The following CNTN1 variants were observed in gnomAD, a reference collection of about 807,000 sequenced individuals.
CNTN1 encodes contactin-1.
CNTN1 carries 38 observed loss-of-function variants against 126.4 expected under a neutral mutation model. That is an observed-to-expected ratio of 0.30 (90% CI 0.23 to 0.39). CNTN1 has a LOEUF of 0.39. Among genes scored for constraint, CNTN1 ranks in the 10% least tolerant of loss-of-function variants. The pLI is 1.00. For missense variants in CNTN1, 1,009 were observed against 1,248.4 expected, an observed-to-expected ratio of 0.81 and a Z score of 2.89; for synonymous variants, 413 against 422.6, an observed-to-expected ratio of 0.98 and a Z score of 0.28.
At chr12:41,003,557 T>C (rs1164003610) in intron 17 of CNTN1, among the ~76,000 whole-genome samples, 1 of 150,590 alleles carries the variant, frequency 6.6e-6, no homozygotes, top group African/African-American at 2.5e-5. Context: ...AGAATTCAGC[T>C]GTGAATCTAT....
intron 1 of CNTN1, among the ~76,000 whole-genome samples, chr12:40,693,697 A>G (rs1941366978): frequency 6.6e-6 from 1 of 152,150 alleles, no homozygotes; most frequent in Non-Finnish European, 1.5e-5. Flanking sequence ...GGAGCTATAT[A>G]TAGCTCCTGC....
At chr12:41,007,438 A>T (rs919358184) in intron 17 of CNTN1, among the ~76,000 whole-genome samples, 2 of 152,158 alleles carry the variant, frequency 1.3e-5, no homozygotes, top group African/African-American at 4.8e-5. Flanking sequence ...TGGGGTATAT[A>T]CCCTGGGGTT....
chr12:40,871,210 A>C lies in CNTN1; in HGVS notation c.-76-37147A>C, dbSNP rs1445225843. Among the ~76,000 whole-genome samples the C allele has an allele frequency of 2.3e-5, 3 of 132,208 alleles. No individual in the cohort carries two copies. In the East Asian group the frequency reaches 6.2e-4, roughly 27 times the overall value. The allele number at this position is 132,208 out of a possible 152,430, so 86.7% of individuals were successfully genotyped here. ...AGAAAAAAAAAAAAAAAAAAAAAAA[A>C]AAAACAGAAGAAGCAGCTAGAGGAT... On this transcript the variant is annotated intron_variant, in intron 1 of 23. Transcript: ENST00000551295.
At chr12:40,799,258 C>T (rs1026580739) in intron 1 of CNTN1, among the ~76,000 whole-genome samples, 6 of 150,956 alleles carry the variant, frequency 4.0e-5, no homozygotes, top group Admixed American at 1.3e-4. Flanking sequence ...TATTTTTATA[C>T]TTGATACAAT....
At chr12:40,705,379 T>C (rs1444319061) in intron 1 of CNTN1, among the ~76,000 whole-genome samples, 1 of 152,224 alleles carries the variant, frequency 6.6e-6, no homozygotes, top group Admixed American at 6.5e-5. Flanking sequence ...TATGCTTATA[T>C]ACTTTACTTA....
chr12:40,981,891 A>G (rs536457800), intron 16 of CNTN1, among the ~76,000 whole-genome samples: 1 of 152,004 alleles, frequency 6.6e-6, no homozygotes, highest in Non-Finnish European at 1.5e-5. Flanking sequence ...CAAGAGGAGA[A>G]ATGAGACACG....
chr12:40,980,032 TTATGAC>T (rs1295203449), intron 15 of CNTN1, among the ~76,000 whole-genome samples: 2 of 152,318 alleles, frequency 1.3e-5, no homozygotes, highest in East Asian at 3.9e-4. Context: ...TTACTTATTC[TTATGAC>T]TATAACTAAC....
intron 21 of CNTN1, among the ~76,000 whole-genome samples, chr12:41,025,656 G>A (rs1051910470): frequency 3.3e-5 from 5 of 152,236 alleles, no homozygotes; most frequent in Admixed American, 6.5e-5. Flanking sequence ...TTTCATAGGA[G>A]TACATCAACA....
chr12:40,717,644 C>A (rs1942082225), intron 1 of CNTN1, among the ~76,000 whole-genome samples: 1 of 152,102 alleles, frequency 6.6e-6, no homozygotes, highest in Non-Finnish European at 1.5e-5. Flanking sequence ...CTTGAAGGAG[C>A]CTTATGACAT....
chr12:40,930,156 C>T (rs1369236834), intron 7 of CNTN1, among the ~76,000 whole-genome samples, 154 bp downstream of exon 7: 2 of 151,972 alleles, frequency 1.3e-5, no homozygotes, highest in Non-Finnish European at 2.9e-5. Context: ...AAGGCTTGGT[C>T]CTAAGCTTTT....
At chr12:41,006,610 T>A (rs549563498) in intron 17 of CNTN1, among the ~76,000 whole-genome samples, 1 of 152,298 alleles carries the variant, frequency 6.6e-6, no homozygotes, top group Admixed American at 6.5e-5. Flanking sequence ...ATATCAGAAG[T>A]TTTCATGTAG....
chr12:41,025,652 A>G (rs1182233954), intron 21 of CNTN1, among the ~76,000 whole-genome samples: 1 of 152,226 alleles, frequency 6.6e-6, no homozygotes, highest in African/African-American at 2.4e-5. Flanking sequence ...TTGTTTTCAT[A>G]GGAGTACATC....
At chr12:40,764,071 C>T (rs919896552) in intron 1 of CNTN1, among the ~76,000 whole-genome samples, 1 of 152,168 alleles carries the variant, frequency 6.6e-6, no homozygotes, top group Admixed American at 6.5e-5. Context: ...TAAATGCTTT[C>T]CATTAACTGA....
At chr12:40,838,137 G>A (rs569400425) in intron 1 of CNTN1, among the ~76,000 whole-genome samples, 3 of 152,286 alleles carry the variant, frequency 2.0e-5, no homozygotes, top group Non-Finnish European at 4.4e-5. Context: ...GACAGAGCAC[G>A]TAGCCTGTGG....
intron 1 of CNTN1, among the ~76,000 whole-genome samples, chr12:40,903,182 C>A (rs1187593962): frequency 1.3e-5 from 2 of 152,142 alleles, no homozygotes; most frequent in African/African-American, 4.8e-5. Flanking sequence ...GCAGCAGCAG[C>A]AGCAGCAGTA....
intron 12 of CNTN1, among the ~76,000 whole-genome samples, chr12:40,939,817 C>G (rs1946203709): frequency 6.6e-6 from 1 of 152,012 alleles, no homozygotes; most frequent in African/African-American, 2.4e-5. Flanking sequence ...ACATATTTTT[C>G]CCCAGTATAG....
chr12:40,926,074 G>A (rs1239941336), intron 6 of CNTN1, among the ~76,000 whole-genome samples: 1 of 151,390 alleles, frequency 6.6e-6, no homozygotes. Flanking sequence ...AGCAAAACAG[G>A]AAAAGCTACC....
chr12:40,957,592 A>AAAATAAATAAATAAATAAAT (rs60750061), intron 14 of CNTN1, among the ~76,000 whole-genome samples: 1,417 of 140,696 alleles, frequency 0.01, 17 homozygotes, highest in Non-Finnish European at 0.011. Flanking sequence ...TGGTATGACA[A>AAAATAAATAAATAAATAAAT]AAATAAATAA....
chr12:41,053,863 T>C (rs12827230), intron 23 of CNTN1, among the ~76,000 whole-genome samples: 2 of 151,710 alleles, frequency 1.3e-5, no homozygotes, highest in Non-Finnish European at 3.0e-5. Context: ...ATAAATACAG[T>C]GTACCACTAA....
Sources: gnomAD v4.1 joint callset for allele counts (sites outside exome capture counted in the v4.1 genomes callset) on GRCh38, gnomAD v4.1.1 for gene constraint, MANE v1.5 for transcripts, NCBI Gene and HGNC (gene_info 2026-07-23, HGNC 2026-07-21) for gene names.